Variants in APBB2 observed in about 807,000 individuals in gnomAD.
APBB2 encodes the protein amyloid beta precursor protein binding family B member 2, also known as Fe65-like 1.
APBB2 carries 38 observed loss-of-function variants against 82.5 expected under a neutral mutation model. The ratio of observed to expected loss-of-function variants is 0.46; its 90% CI spans 0.36 to 0.60. The LOEUF is 0.60. APBB2 is among the 20% of genes least tolerant of loss of function. APBB2 has a pLI of 0.00. For synonymous variants in APBB2, 341 were observed against 368.2 expected, an observed-to-expected ratio of 0.93 and a Z score of 0.85; for missense variants, 772 against 972.3, an observed-to-expected ratio of 0.79 and a Z score of 2.74.
intron 6 of APBB2, among the ~76,000 whole-genome samples, chr4:41,007,649 A>G (rs1807130173): frequency 6.6e-6 from 1 of 152,232 alleles, no homozygotes; most frequent in Non-Finnish European, 1.5e-5. Flanking sequence ...TGAGTGTTCT[A>G]AACAACTATT....
intron 5 of APBB2, among the ~76,000 whole-genome samples, chr4:41,018,996 A>G (rs934725734): frequency 1.1e-4 from 17 of 152,244 alleles, no homozygotes; most frequent in Non-Finnish European, 2.4e-4. Context: ...GGGCAGAAAG[A>G]TAAGGTTCCC....
intron 12 of APBB2, among the ~76,000 whole-genome samples, chr4:40,862,344 C>T (rs1762950232): frequency 6.6e-6 from 1 of 152,218 alleles, no homozygotes; most frequent in South Asian, 2.1e-4. Context: ...CCACAAAGAT[C>T]CTTATATTGC....
At chr4:41,211,913 CAT>C (rs1419627723) in intron 1 of APBB2, among the ~76,000 whole-genome samples, 2 of 152,306 alleles carry the variant, frequency 1.3e-5, no homozygotes, top group East Asian at 3.9e-4. Flanking sequence ...CACAGGTAAA[CAT>C]GTGCTATGGT....
At chr4:40,822,294 T>C (rs1748268059) in intron 16 of APBB2, 5 of 484,450 alleles carry the variant, frequency 1.0e-5, no homozygotes, top group South Asian at 7.7e-5. Context: ...GTGGGTCCCA[T>C]TCTCCATTAT....
At chr4:40,831,648 C>T (rs1751945978) in intron 12 of APBB2, among the ~76,000 whole-genome samples, 1 of 152,132 alleles carries the variant, frequency 6.6e-6, no homozygotes, top group Non-Finnish European at 1.5e-5. Context: ...AAACAATGGA[C>T]CAGCCCACAG....
intron 10 of APBB2, among the ~76,000 whole-genome samples, chr4:40,915,091 C>T (rs765447156): frequency 2.0e-5 from 3 of 152,186 alleles, no homozygotes; most frequent in African/African-American, 4.8e-5. Flanking sequence ...ACACTTTATC[C>T]GACTCTTGTC....
chr4:40,901,219 A>G (rs1775185919), intron 10 of APBB2, among the ~76,000 whole-genome samples: 1 of 152,214 alleles, frequency 6.6e-6, no homozygotes, highest in Non-Finnish European at 1.5e-5. Flanking sequence ...GGGTCCTGGC[A>G]TGATGAAATG....
rs565854677 is a variant in APBB2, at chr4:41,005,257, A to G, written c.835+8326T>C. On this transcript the variant is annotated intron_variant, in intron 6 of 17. Transcript: ENST00000508593. ...AGGCACGTGCCACCACGCCCAACTA[A>G]TTTTGTATTTTTAGTAGAGACAGGG... Among the ~76,000 whole-genome samples the G allele has an allele frequency of 4.0e-5, 6 of 151,888 alleles. No individual in the cohort carries two copies. The East Asian group carries it at 1.2e-3, about 30-fold the overall frequency.
intron 2 of APBB2, among the ~76,000 whole-genome samples, chr4:41,131,972 G>A (rs1267642258): frequency 1.3e-5 from 2 of 151,852 alleles, no homozygotes; most frequent in Non-Finnish European, 2.9e-5. Flanking sequence ...CCCAGGAGGC[G>A]GAGGTTGCAG....
chr4:41,210,776 T>G (rs986676876), intron 1 of APBB2, among the ~76,000 whole-genome samples: 1 of 152,242 alleles, frequency 6.6e-6, no homozygotes, highest in Non-Finnish European at 1.5e-5. Context: ...GAATGCTTAC[T>G]GAATAATAAT....
At chr4:40,884,660 T>G (rs1333959086) in intron 12 of APBB2, among the ~76,000 whole-genome samples, 4 of 151,866 alleles carry the variant, frequency 2.6e-5, no homozygotes, top group African/African-American at 7.3e-5. Context: ...TAACTCAGGA[T>G]GCTGAGGCAG....
chr4:40,817,983 T>C (rs2437297), intron 17 of APBB2, among the ~76,000 whole-genome samples: 4 of 152,048 alleles, frequency 2.6e-5, no homozygotes, highest in African/African-American at 9.7e-5. Context: ...GTACATCCAG[T>C]GTGAATCAAA....
At chr4:41,121,532 T>C (rs1005136754) in intron 2 of APBB2, among the ~76,000 whole-genome samples, 1 of 151,972 alleles carries the variant, frequency 6.6e-6, no homozygotes, top group South Asian at 2.1e-4. Context: ...AGCGACAGAG[T>C]TGGGATGCAG....
chr4:40,883,477 C>A (rs1169950467), intron 12 of APBB2, among the ~76,000 whole-genome samples: 1 of 152,072 alleles, frequency 6.6e-6, no homozygotes, highest in Non-Finnish European at 1.5e-5. Context: ...ATCCCAGCTA[C>A]TTGGGAGGCT....
chr4:40,868,028 A>ATT (rs35501177), intron 12 of APBB2, among the ~76,000 whole-genome samples: 59,097 of 147,076 alleles, frequency 0.4, 12,008 homozygotes, highest in Non-Finnish European at 0.46. Context: ...GTGCCTGGCT[A>ATT]TTTTTTTTTT....
intron 3 of APBB2, among the ~76,000 whole-genome samples, chr4:41,082,913 A>G (rs138673925): frequency 4.0e-4 from 61 of 152,274 alleles, no homozygotes; most frequent in African/African-American, 1.3e-3. Flanking sequence ...CTGTAATCCT[A>G]GCACCTTGGG....
At chr4:40,976,422 T>C (rs1447721280) in intron 6 of APBB2, among the ~76,000 whole-genome samples, 1 of 152,236 alleles carries the variant, frequency 6.6e-6, no homozygotes, top group Admixed American at 6.5e-5. Context: ...TGCTAGTTGT[T>C]GATCTGACAC....
chr4:40,822,123 C>T (rs1192216693), intron 16 of APBB2, 73 bp from the exon 17 acceptor site: 3 of 1,552,080 alleles, frequency 1.9e-6, no homozygotes, highest in Non-Finnish European at 2.6e-6. Context: ...CACATAGGAA[C>T]TGGCATTCAG....
At position 40,934,606 on chromosome 4, in the gene APBB2, T is replaced by G. The variant is rs199614474; in HGVS notation, c.1193+8A>C. The G allele has an allele frequency of 6.2e-6, 10 of 1,612,606 alleles. No individual in the cohort carries two copies. In the East Asian group the frequency reaches 2.2e-4, roughly 36 times the overall value. On this transcript the variant is annotated splice_region_variant and intron_variant, in intron 9 of 17. Coordinates refer to ENST00000508593, the MANE Select transcript of APBB2 (RefSeq NM_004307.2). ...ATTGACAGCAGGTCGATCCTACTAA[T>G]GTCCTACCTGAGTTTCAAAGATGCA...
Sources: gnomAD v4.1 joint callset for allele counts (sites outside exome capture counted in the v4.1 genomes callset) on GRCh38, gnomAD v4.1.1 for gene constraint, MANE v1.5 for transcripts, NCBI Gene and HGNC (gene_info 2026-07-23, HGNC 2026-07-21) for gene names.